KIDINS220: variants seen among roughly 807,000 people sequenced by gnomAD.
The protein encoded by KIDINS220 is kinase D-interacting substrate of 220 kDa.
A neutral mutation model predicts 157.6 loss-of-function variants in KIDINS220; 63 were observed. The observed-to-expected ratio is 0.40, with a 90% CI of 0.33 to 0.49. KIDINS220 has a LOEUF of 0.49. Among genes scored for constraint, KIDINS220 ranks in the 20% least tolerant of loss-of-function variants. KIDINS220 has a pLI of 0.66. For missense variants in KIDINS220, 1,772 were observed against 2,171.2 expected (o/e 0.82, Z 3.65); for synonymous variants, 732 against 783.6 (o/e 0.93, Z 1.10).
At chr2:8,791,437 A>C (rs890101760) in intron 12 of KIDINS220, among the ~76,000 whole-genome samples, 1 of 152,242 alleles carries the variant, frequency 6.6e-6, no homozygotes, top group African/African-American at 2.4e-5. Context: ...ATCGTATTTC[A>C]TAAAAAGTTT....
intron 21 of KIDINS220, among the ~76,000 whole-genome samples, chr2:8,771,079 A>T (rs1670154596): frequency 6.6e-6 from 1 of 152,162 alleles, no homozygotes; most frequent in African/African-American, 2.4e-5. Context: ...CACTGGTGAG[A>T]TATACTTCTT....
intron 22 of KIDINS220, among the ~76,000 whole-genome samples, chr2:8,762,717 C>T (rs1005236389): frequency 2.0e-5 from 3 of 151,460 alleles, no homozygotes; most frequent in African/African-American, 7.3e-5. Flanking sequence ...CCAGGCTGGG[C>T]GACAGAGCGA....
intron 8 of KIDINS220, 102 bp downstream of exon 8, chr2:8,802,828 C>G (rs1674908112): frequency 1.2e-6 from 1 of 849,828 alleles, no homozygotes; most frequent in South Asian, 1.9e-5. Flanking sequence ...TATTTTAAAA[C>G]AAGTTTATGT....
chr2:8,764,825 A>G (rs1301284343), intron 22 of KIDINS220, among the ~76,000 whole-genome samples: 2 of 152,222 alleles, frequency 1.3e-5, no homozygotes, highest in Non-Finnish European at 2.9e-5. Context: ...TACTGCCTAA[A>G]TACTGATCAC....
rs1671833050 is a variant in KIDINS220 at position 8,782,360 on chromosome 2, C to T, written c.2230-2546G>A. 3.3e-5 allele frequency among the ~76,000 whole-genome samples: 5 copies of T among 151,974 alleles called. 1 individual carries two copies. In the South Asian group the frequency reaches 8.3e-4, roughly 25 times the overall value. On this transcript the variant is annotated intron_variant, in intron 17 of 29. Coordinates refer to ENST00000256707, the MANE Select transcript of KIDINS220 (RefSeq NM_020738.4). ...AGAAAAACAACAAATAAAAGAGAGG[C>T]TACCACTTTAGACCTACCTCATGGA...
chr2:8,769,824 A>T (rs1051431900), intron 22 of KIDINS220, among the ~76,000 whole-genome samples: 1 of 152,228 alleles, frequency 6.6e-6, no homozygotes, highest in African/African-American at 2.4e-5. Flanking sequence ...ACCACTTCTC[A>T]ATAGGCAGAC....
At chr2:8,788,983 G>A (rs1246410483) in intron 14 of KIDINS220, among the ~76,000 whole-genome samples, 171 bp from the exon 15 acceptor site, 2 of 152,054 alleles carry the variant, frequency 1.3e-5, no homozygotes, top group African/African-American at 4.8e-5. Context: ...CTAAGATACA[G>A]AAGATATGAA....
chr2:8,779,632 C>T, intron 18 of KIDINS220, 42 bp downstream of exon 18: 4 of 1,577,786 alleles, frequency 2.5e-6, no homozygotes, highest in Non-Finnish European at 3.5e-6. Context: ...TCTCAAGTGC[C>T]ACAACATAAC....
rs931566743 is a variant in KIDINS220 at position 8,751,453 on chromosome 2, T to C, written c.3190+13A>G. On this transcript the variant is annotated intron_variant, in intron 23 of 29. Coordinates refer to ENST00000256707, the MANE Select transcript of KIDINS220 (RefSeq NM_020738.4). ...ACTTTAGATGAAAAATTAAATTTAC[T>C]ACTAATACCCACCTGCAATAATTTC... The C allele has an allele frequency of 5.7e-6, 9 of 1,582,106 alleles. No homozygotes were observed. In the Admixed American group the frequency reaches 1.3e-4, roughly 23 times the overall value.
intron 10 of KIDINS220, among the ~76,000 whole-genome samples, chr2:8,797,727 T>TA (rs1284890757): frequency 6.6e-6 from 1 of 152,224 alleles, no homozygotes; most frequent in Non-Finnish European, 1.5e-5. Context: ...ACCACAGTAT[T>TA]AGATAATTTT....
At chr2:8,743,132 T>C (rs1251822756) in intron 26 of KIDINS220, among the ~76,000 whole-genome samples, 1 of 152,136 alleles carries the variant, frequency 6.6e-6, no homozygotes, top group African/African-American at 2.4e-5. Flanking sequence ...TCAAAGAAGG[T>C]AAAGGCACCA....
intron 10 of KIDINS220, 102 bp from the exon 11 acceptor site, chr2:8,796,971 C>T: frequency 1.2e-6 from 1 of 867,096 alleles, no homozygotes; most frequent in Non-Finnish European, 1.9e-6. Context: ...TGGTAACAGC[C>T]TATATTTAAA....
intron 6 of KIDINS220, among the ~76,000 whole-genome samples, chr2:8,808,683 A>G (rs1675858576): frequency 6.6e-6 from 1 of 152,326 alleles, no homozygotes; most frequent in South Asian, 2.1e-4. Flanking sequence ...CTTTATGTGT[A>G]TTCCTGACCC....
At chr2:8,780,924 T>C (rs1213792540) in intron 17 of KIDINS220, among the ~76,000 whole-genome samples, 1 of 151,624 alleles carries the variant, frequency 6.6e-6, no homozygotes, top group Non-Finnish European at 1.5e-5. Context: ...ATACGATAGA[T>C]ATTAATCCAT....
chr2:8,736,859 C>T lies in KIDINS220; in HGVS notation c.3717+9G>A. 1 of 1,613,926 alleles carries T rather than the reference C, an allele frequency of 6.2e-7. No homozygotes were observed. The highest frequency in any genetic ancestry group is 8.5e-7 in the Non-Finnish European group (1 of 1,179,890). ...CTGTCTCTGGTCCGTGTGTAAGTGG[C>T]TGCCTCACCTTTTTGATCGTGGTAC... On this transcript the variant is annotated intron_variant, in intron 27 of 29. Coordinates refer to ENST00000256707, the MANE Select transcript of KIDINS220 (RefSeq NM_020738.4).
Position 8,828,286 on chromosome 2 carries a change from C to T in KIDINS220, c.-36-1157G>A, listed in dbSNP as rs543431519. ...ATGCACACGGCTTACCCCCTGACCC[C>T]GTCAGGTCACCTGGTTACAAAGTCT... On this transcript the variant is annotated intron_variant, in intron 1 of 29. Coordinates refer to ENST00000256707, the MANE Select transcript of KIDINS220 (RefSeq NM_020738.4). 2.8e-4 allele frequency among the ~76,000 whole-genome samples: 42 copies of T among 152,308 alleles called. No homozygotes were observed. In the East Asian group the frequency reaches 7.5e-3, roughly 27 times the overall value.
intron 1 of KIDINS220, among the ~76,000 whole-genome samples, chr2:8,836,038 T>C (rs1205343773): frequency 1.3e-5 from 2 of 152,060 alleles, no homozygotes; most frequent in Non-Finnish European, 2.9e-5. Flanking sequence ...GGATATTAAC[T>C]TGAAAAATAT....
intron 22 of KIDINS220, chr2:8,757,049 A>G (rs1363661154): frequency 1.2e-5 from 2 of 160,542 alleles, no homozygotes; most frequent in Non-Finnish European, 2.6e-5. Flanking sequence ...CAATTAAGAA[A>G]ATGAAGACTA....
chr2:8,745,218 G>A (rs1666371560), intron 26 of KIDINS220, among the ~76,000 whole-genome samples: 1 of 152,136 alleles, frequency 6.6e-6, no homozygotes, highest in Non-Finnish European at 1.5e-5. Flanking sequence ...CTTTGCTCAG[G>A]AATTTTAGCT....
Sources: allele counts gnomAD v4.1 joint callset (sites outside exome capture counted in the v4.1 genomes callset), GRCh38; gene constraint gnomAD v4.1.1; transcripts MANE v1.5; gene names NCBI Gene and HGNC (gene_info 2026-07-23, HGNC 2026-07-21).